ZMYM4: variants seen among roughly 807,000 people sequenced by gnomAD.
The protein encoded by ZMYM4 is zinc finger MYM-type containing 4.
Under a neutral mutation model 183.2 loss-of-function variants are expected in ZMYM4, and 31 were observed. That is an observed-to-expected ratio of 0.17 (90% CI 0.13 to 0.23). ZMYM4 has a LOEUF of 0.23. Among genes scored for constraint, ZMYM4 ranks in the 10% least tolerant of loss-of-function variants. ZMYM4 has a pLI of 1.00. For missense variants in ZMYM4, 1,273 were observed against 1,840.3 expected, an observed-to-expected ratio of 0.69 and a Z score of 5.64; for synonymous variants, 592 against 631.2, an observed-to-expected ratio of 0.94 and a Z score of 0.93.
intron 2 of ZMYM4, among the ~76,000 whole-genome samples, chr1:35,335,845 C>T (rs910328760): frequency 1.3e-5 from 2 of 151,928 alleles, no homozygotes; most frequent in Non-Finnish European, 2.9e-5. Flanking sequence ...CCCAGCTACT[C>T]GGGAGGCTGA....
At chr1:35,277,070 C>T (rs1639914034) in intron 1 of ZMYM4, among the ~76,000 whole-genome samples, 1 of 152,096 alleles carries the variant, frequency 6.6e-6, no homozygotes, top group Non-Finnish European at 1.5e-5. Flanking sequence ...TCATATTTCC[C>T]ACAAATTAGT....
chr1:35,386,778 T>C (rs1174205717), intron 11 of ZMYM4, among the ~76,000 whole-genome samples: 2 of 152,234 alleles, frequency 1.3e-5, no homozygotes, highest in Non-Finnish European at 2.9e-5. Flanking sequence ...TATTATCTAT[T>C]GGGAGGATAT....
At chr1:35,398,824 A>G (rs1273092160) in intron 21 of ZMYM4, 40 bp from the exon 22 acceptor site, 4 of 1,599,698 alleles carry the variant, frequency 2.5e-6, no homozygotes, top group Non-Finnish European at 1.7e-6. Flanking sequence ...AGATGAGGCT[A>G]TTTTATTTTG....
At chr1:35,405,332 A>G in intron 24 of ZMYM4, 41 bp from the exon 25 acceptor site, 3 of 1,581,620 alleles carry the variant, frequency 1.9e-6, no homozygotes, top group Non-Finnish European at 1.7e-6. Flanking sequence ...CCGCACTTTT[A>G]TTTTATTTAA....
intron 1 of ZMYM4, among the ~76,000 whole-genome samples, chr1:35,286,772 A>ATTTTTTT (rs71062872): frequency 2.8e-4 from 13 of 46,520 alleles, no homozygotes; most frequent in Non-Finnish European, 3.9e-4. Context: ...TATTTAAATA[A>ATTTTTTT]TTTTTTTTTT....
At chr1:35,404,520 G>A (rs967519074) in intron 23 of ZMYM4, among the ~76,000 whole-genome samples, 3 of 152,020 alleles carry the variant, frequency 2.0e-5, no homozygotes, top group African/African-American at 7.3e-5. Flanking sequence ...TTTCCTTTAA[G>A]TTCAAAATGT....
At chr1:35,362,975 A>G (rs1643978143) in intron 5 of ZMYM4, among the ~76,000 whole-genome samples, 1 of 152,202 alleles carries the variant, frequency 6.6e-6, no homozygotes, top group African/African-American at 2.4e-5. Flanking sequence ...GTTCCAGACC[A>G]CCCTGGCCAA....
At chr1:35,412,085 G>C (rs1639932114) in intron 26 of ZMYM4, among the ~76,000 whole-genome samples, 1 of 149,464 alleles carries the variant, frequency 6.7e-6, no homozygotes, top group Non-Finnish European at 1.5e-5. Flanking sequence ...TAGAGACAGG[G>C]TTTCACCGTG....
At chr1:35,369,129 A>G (rs1301072982) in intron 5 of ZMYM4, among the ~76,000 whole-genome samples, 24 of 152,188 alleles carry the variant, frequency 1.6e-4, no homozygotes, top group Admixed American at 1.0e-3. Context: ...AAGGAGATAT[A>G]TCTGAGATAC....
chr1:35,407,376 C>T (rs1351180932), intron 25 of ZMYM4, among the ~76,000 whole-genome samples: 1 of 149,122 alleles, frequency 6.7e-6, no homozygotes, highest in African/African-American at 2.5e-5. Context: ...TGCAGTGAGC[C>T]GAGATTGTGC....
chr1:35,381,826 A>G, intron 9 of ZMYM4, 68 bp downstream of exon 9: 2 of 1,556,640 alleles, frequency 1.3e-6, no homozygotes, highest in Non-Finnish European at 1.7e-6. Context: ...AGTCAGAATT[A>G]TTTATGAAAA....
chr1:35,351,380 A>G (rs1186931277), intron 2 of ZMYM4: 1 of 1,575,354 alleles, frequency 6.3e-7, no homozygotes, highest in Non-Finnish European at 8.7e-7. Flanking sequence ...CTTACAAGAA[A>G]CAGTTCTCTC....
chr1:35,397,955 G>T (rs1644838394), intron 20 of ZMYM4, among the ~76,000 whole-genome samples: 1 of 152,192 alleles, frequency 6.6e-6, no homozygotes, highest in Admixed American at 6.5e-5. Context: ...CATACTACTA[G>T]TGTGGAATCA....
At chr1:35,338,792 T>C (rs987847401) in intron 2 of ZMYM4, among the ~76,000 whole-genome samples, 1 of 152,254 alleles carries the variant, frequency 6.6e-6, no homozygotes, top group African/African-American at 2.4e-5. Context: ...TTAAATCTAT[T>C]ACCCACTTGC....
intron 26 of ZMYM4, among the ~76,000 whole-genome samples, chr1:35,409,038 G>A (rs1441250187): frequency 1.3e-5 from 2 of 152,120 alleles, no homozygotes; most frequent in Non-Finnish European, 2.9e-5. Context: ...ACACTATGTG[G>A]CCTTTTGTGT....
chr1:35,337,460 A>T (rs1643022124), intron 2 of ZMYM4, among the ~76,000 whole-genome samples: 2 of 152,192 alleles, frequency 1.3e-5, no homozygotes, highest in Non-Finnish European at 2.9e-5. Context: ...TTATTCTTGC[A>T]TATGTTTCTT....
At chr1:35,284,399 C>A (rs2148698086) in intron 1 of ZMYM4, among the ~76,000 whole-genome samples, 1 of 152,280 alleles carries the variant, frequency 6.6e-6, no homozygotes, top group East Asian at 1.9e-4. Flanking sequence ...ATGTTTTCTT[C>A]TAAGAGTTTT....
Position 35,278,685 on chromosome 1 carries a change from T to C in ZMYM4, c.39+9600T>C, listed in dbSNP as rs890647516. 2.0e-5 allele frequency among the ~76,000 whole-genome samples: 3 copies of C among 152,156 alleles called. No homozygotes were observed. In the South Asian group the frequency reaches 6.2e-4, roughly 32 times the overall value. On this transcript the variant is annotated intron_variant, in intron 1 of 29. Coordinates refer to ENST00000314607, the MANE Select transcript of ZMYM4 (RefSeq NM_005095.3). ...ATCTGCCCGCCTCGGCCTCCCAAAG[T>C]GCTGGGATTACAGGCATGAGCCACC...
chr1:35,331,809 A>C (rs1031336112), intron 2 of ZMYM4, among the ~76,000 whole-genome samples: 4 of 148,330 alleles, frequency 2.7e-5, no homozygotes, highest in African/African-American at 9.8e-5. Flanking sequence ...TAAATAAATA[A>C]ATAAATAAAT....
Sources: gnomAD v4.1 joint callset for allele counts (sites outside exome capture counted in the v4.1 genomes callset) on GRCh38, gnomAD v4.1.1 for gene constraint, MANE v1.5 for transcripts, NCBI Gene and HGNC (gene_info 2026-07-23, HGNC 2026-07-21) for gene names.